The following TCF4 variants were observed in gnomAD, a reference collection of about 807,000 sequenced individuals.
The protein encoded by TCF4 is transcription factor 4.
A neutral mutation model predicts 82.1 loss-of-function variants in TCF4; 3 were observed. The ratio of observed to expected loss-of-function variants is 0.04; its 90% CI spans 0.02 to 0.09. The LOEUF (loss-of-function observed/expected upper bound fraction) is 0.09. Ranked by LOEUF, TCF4 falls within the 10% of genes least tolerant of loss-of-function variation. The pLI, the probability that TCF4 is intolerant of heterozygous loss-of-function variation, is 1.00. For missense variants in TCF4, 518 were observed against 852.7 expected (o/e 0.61, Z 4.89); for synonymous variants, 276 against 309.6 (o/e 0.89, Z 1.14).
In TCF4 at chr18:55,579,975, T is replaced by C. The variant is rs149794780; in HGVS notation, c.145+5305A>G. On this transcript the variant is annotated intron_variant, in intron 3 of 19. Transcript: ENST00000354452. ...AACAGCATAAACTTTCATTACATAGTTCTATTATATATGTTTATGTGACTT... is the reference window on the plus strand; with the variant it reads ...AACAGCATAAACTTTCATTACATAGCTCTATTATATATGTTTATGTGACTT... Among the ~76,000 whole-genome samples, 311 of 152,128 alleles carry C rather than the reference T, an allele frequency of 2.0e-3. 1 individual carries two copies. The highest frequency in any genetic ancestry group is 7.2e-3 in the African/African-American group (299 of 41,574).
chr18:55,302,326 A>G, intron 8 of TCF4: 1 of 1,186,042 alleles, frequency 8.4e-7, no homozygotes, highest in Non-Finnish European at 1.2e-6. Flanking sequence ...CAAATGGGTA[A>G]CATACAAGTC....
chr18:55,558,597 G>C (rs893930736), intron 3 of TCF4, among the ~76,000 whole-genome samples: 10 of 152,148 alleles, frequency 6.6e-5, no homozygotes, highest in African/African-American at 2.2e-4. Flanking sequence ...CACACATCCT[G>C]ATTATAAAAG....
intron 8 of TCF4, among the ~76,000 whole-genome samples, chr18:55,303,254 C>CCCCTACACACACACACACACCCCT (rs578022919): frequency 6.2e-4 from 93 of 150,104 alleles, no homozygotes; most frequent in South Asian, 1.9e-3. Context: ...CACACACACA[C>CCCCTACACACACACACACACCCCT]ACACACACAC....
At chr18:55,538,962 G>A (rs2097142065) in intron 3 of TCF4, among the ~76,000 whole-genome samples, 1 of 151,810 alleles carries the variant, frequency 6.6e-6, no homozygotes, top group South Asian at 2.1e-4. Flanking sequence ...AATGAGAGGG[G>A]ATTTCTAGTC....
chr18:55,407,927 C>T (rs1254270510), intron 5 of TCF4, among the ~76,000 whole-genome samples: 1 of 152,088 alleles, frequency 6.6e-6, no homozygotes, highest in Non-Finnish European at 1.5e-5. Context: ...TAAATCCATT[C>T]CACTCATAGG....
intron 3 of TCF4, among the ~76,000 whole-genome samples, chr18:55,572,352 G>C (rs1318512063): frequency 6.6e-6 from 1 of 152,142 alleles, no homozygotes; most frequent in Admixed American, 6.6e-5. Flanking sequence ...TCCTAAAATG[G>C]ACTAACAAGT....
chr18:55,463,105 T>C (rs947687231), intron 4 of TCF4, among the ~76,000 whole-genome samples: 4 of 152,126 alleles, frequency 2.6e-5, no homozygotes, highest in African/African-American at 9.7e-5. Context: ...TATATATATA[T>C]AGCTGGTTGG....
intron 3 of TCF4, among the ~76,000 whole-genome samples, chr18:55,510,136 G>A (rs754587077): frequency 1.3e-5 from 2 of 152,076 alleles, no homozygotes; most frequent in Admixed American, 1.3e-4. Context: ...ACCACTTACT[G>A]AGTAAGACTG....
intron 2 of TCF4, among the ~76,000 whole-genome samples, chr18:55,594,142 T>C (rs1201205388): frequency 6.6e-6 from 1 of 152,230 alleles, no homozygotes; most frequent in Non-Finnish European, 1.5e-5. Flanking sequence ...GGCCTTTGCA[T>C]ATGCTGGTCT....
At chr18:55,409,973 G>A (rs936342432) in intron 5 of TCF4, among the ~76,000 whole-genome samples, 1 of 152,140 alleles carries the variant, frequency 6.6e-6, no homozygotes, top group South Asian at 2.1e-4. Flanking sequence ...GGACAACTCT[G>A]CCTTCATCCA....
At chr18:55,473,223 G>T (rs1168973047) in intron 3 of TCF4, among the ~76,000 whole-genome samples, 1 of 152,042 alleles carries the variant, frequency 6.6e-6, no homozygotes, top group Non-Finnish European at 1.5e-5. Flanking sequence ...TTTCTCCCGA[G>T]GGTGCCATTT....
intron 6 of TCF4, among the ~76,000 whole-genome samples, chr18:55,366,477 T>C (rs932998612): frequency 2.0e-5 from 3 of 152,226 alleles, no homozygotes; most frequent in Non-Finnish European, 2.9e-5. Context: ...GATTCTTAAA[T>C]TGTGAAATAC....
intron 4 of TCF4, among the ~76,000 whole-genome samples, chr18:55,463,473 A>G (rs2095917048): frequency 6.6e-6 from 1 of 152,170 alleles, no homozygotes; most frequent in Non-Finnish European, 1.5e-5. Flanking sequence ...GAAACAACCA[A>G]TGCATGTAGG....
At chr18:55,483,848 C>A (rs927848384) in intron 3 of TCF4, among the ~76,000 whole-genome samples, 1 of 152,184 alleles carries the variant, frequency 6.6e-6, no homozygotes, top group Non-Finnish European at 1.5e-5. Flanking sequence ...CATTGATGAA[C>A]AAGAGTACCA....
chr18:55,514,636 A>G (rs1184823856), intron 3 of TCF4, among the ~76,000 whole-genome samples: 3 of 152,208 alleles, frequency 2.0e-5, no homozygotes, highest in East Asian at 3.8e-4. Context: ...GTTCATCACA[A>G]TTAAAGCCTC....
At chr18:55,386,152 C>A (rs895741984) in intron 6 of TCF4, among the ~76,000 whole-genome samples, 2 of 152,190 alleles carry the variant, frequency 1.3e-5, no homozygotes, top group Non-Finnish European at 2.9e-5. Flanking sequence ...CAGAAGCATG[C>A]TGGGTCCCCA....
rs556811648 is a variant in TCF4 at position 55,319,679 on chromosome 18, C to CA, written c.549+30679dup. On this transcript the variant is annotated intron_variant, in intron 8 of 19. Transcript: ENST00000354452. ...CTTGATTTTATGAGTACCATCCTCTCAAAAAAAAAAAAAATCTAACAACCA... is the reference window on the plus strand; with the variant it reads ...CTTGATTTTATGAGTACCATCCTCTCAAAAAAAAAAAAAAATCTAACAACCA... Among the ~76,000 whole-genome samples the CA allele has an allele frequency of 8.6e-3, 1,160 of 134,446 alleles. 5 individuals are homozygous for CA. The highest frequency in any genetic ancestry group is 0.011 in the South Asian group (49 of 4,272). 88.2% of individuals were successfully genotyped at this position (134,446 alleles called of 152,430 possible).
intron 6 of TCF4, among the ~76,000 whole-genome samples, chr18:55,376,180 C>A (rs991882548): frequency 6.6e-6 from 1 of 152,030 alleles, no homozygotes; most frequent in African/African-American, 2.4e-5. Context: ...CATCACCACA[C>A]CAGGGTTTTG....
chr18:55,274,275 T>G (rs922625647), intron 10 of TCF4, among the ~76,000 whole-genome samples: 66 of 152,158 alleles, frequency 4.3e-4, no homozygotes, highest in Admixed American at 1.8e-3. Context: ...TGAAAATAAG[T>G]CATCTGCTAT....
Sources: gnomAD v4.1 joint callset for allele counts (sites outside exome capture counted in the v4.1 genomes callset) on GRCh38, gnomAD v4.1.1 for gene constraint, MANE v1.5 for transcripts, NCBI Gene and HGNC (gene_info 2026-07-23, HGNC 2026-07-21) for gene names.